The following GRIA4 variants were observed in gnomAD, a reference collection of about 807,000 sequenced individuals.
GRIA4 encodes glutamate ionotropic receptor AMPA type subunit 4, also known as glutamate receptor 4.
GRIA4 carries 34 observed loss-of-function variants against 104.0 expected under a neutral mutation model. That is an observed-to-expected ratio of 0.33 (90% CI 0.25 to 0.44). GRIA4 has a LOEUF of 0.44. Among genes scored for constraint, GRIA4 ranks in the 20% least tolerant of loss-of-function variants. GRIA4 has a pLI of 1.00. For missense variants in GRIA4, 750 were observed against 1,096.5 expected, an observed-to-expected ratio of 0.68 and a Z score of 4.46; for synonymous variants, 386 against 381.9, an observed-to-expected ratio of 1.01 and a Z score of -0.13.
At chr11:105,912,770 T>C (rs1947293437) in intron 10 of GRIA4, 2 of 980,678 alleles carry the variant, frequency 2.0e-6, no homozygotes, top group Non-Finnish European at 2.4e-6. Context: ...TTTGCTTTTG[T>C]TGAAAACGGT....
At chr11:105,670,440 CA>C (rs1330456816) in intron 3 of GRIA4, among the ~76,000 whole-genome samples, 1 of 152,056 alleles carries the variant, frequency 6.6e-6, no homozygotes, top group African/African-American at 2.4e-5. Context: ...CAGATAAATG[CA>C]GAAGTGTTTG....
intron 3 of GRIA4, among the ~76,000 whole-genome samples, chr11:105,637,122 T>C (rs1416502246): frequency 1.3e-5 from 2 of 152,144 alleles, no homozygotes; most frequent in Non-Finnish European, 2.9e-5. Context: ...TCTCCATTAT[T>C]GTGGAAAAAA....
At chr11:105,913,572 C>G (rs1341814284) in intron 10 of GRIA4, 6 of 784,742 alleles carry the variant, frequency 7.6e-6, no homozygotes, top group Non-Finnish European at 9.3e-6. Flanking sequence ...GAAGCCAAAT[C>G]TATTCCATGT....
At chr11:105,652,308 T>C (rs1951706503) in intron 3 of GRIA4, among the ~76,000 whole-genome samples, 1 of 152,076 alleles carries the variant, frequency 6.6e-6, no homozygotes, top group Non-Finnish European at 1.5e-5. Flanking sequence ...AACAAGAACA[T>C]ACCGAGAAAG....
intron 10 of GRIA4, among the ~76,000 whole-genome samples, chr11:105,915,719 T>C (rs531910348): frequency 6.6e-6 from 1 of 152,310 alleles, no homozygotes; most frequent in South Asian, 2.1e-4. Flanking sequence ...GAAATGCATT[T>C]CTTTAATCTT....
chr11:105,940,168 C>A (rs2136222987), intron 14 of GRIA4, among the ~76,000 whole-genome samples: 1 of 152,178 alleles, frequency 6.6e-6, no homozygotes, highest in Middle Eastern at 3.4e-3. Flanking sequence ...AGTTCGAGAC[C>A]AGCTTGGGCA....
At chr11:105,823,184 T>A (rs1943638896) in intron 4 of GRIA4, among the ~76,000 whole-genome samples, 1 of 152,146 alleles carries the variant, frequency 6.6e-6, no homozygotes, top group South Asian at 2.1e-4. Context: ...TCATTTGGAA[T>A]CACAATATTT....
chr11:105,612,072 T>G (rs1950495900), intron 2 of GRIA4, among the ~76,000 whole-genome samples: 1 of 151,986 alleles, frequency 6.6e-6, no homozygotes, highest in Non-Finnish European at 1.5e-5. Context: ...GCAAGACACA[T>G]TAGGACAAGA....
Position 105,894,790 on chromosome 11 carries a change from TA to T in GRIA4, c.727-3478del, listed in dbSNP as rs1162966147. 5.3e-5 allele frequency among the ~76,000 whole-genome samples: 7 copies of T among 132,808 alleles called. 1 individual carries two copies. Among genetic ancestry groups the T allele is most frequent in the South Asian group, 2.3e-4 (1 of 4,378 alleles). 87.1% of individuals were successfully genotyped at this position (132,808 alleles called of 152,430 possible). ...CTCTAACTGCAGGATTATTGCTACA[TA>T]TTTTTTTTTTTTTTTTTTTGAGACG... On this transcript the variant is annotated intron_variant, in intron 6 of 16. Transcript: ENST00000282499.
At chr11:105,735,177 C>T (rs1938970) in intron 3 of GRIA4, among the ~76,000 whole-genome samples, 81,750 of 151,646 alleles carry the variant, frequency 0.54, 22,143 homozygotes, top group Admixed American at 0.61. Flanking sequence ...TCAGATTAAA[C>T]CCTTAGAGAC....
At chr11:105,691,264 T>C (rs911607964) in intron 3 of GRIA4, among the ~76,000 whole-genome samples, 14 of 152,220 alleles carry the variant, frequency 9.2e-5, no homozygotes, top group Non-Finnish European at 1.9e-4. Context: ...GATTGATATA[T>C]GCTTGATCAG....
chr11:105,825,743 G>C (rs1438505161), intron 4 of GRIA4, among the ~76,000 whole-genome samples: 1 of 151,986 alleles, frequency 6.6e-6, no homozygotes, highest in Non-Finnish European at 1.5e-5. Context: ...TAGCTCAAGG[G>C]GTCGTTAGGT....
chr11:105,658,031 T>G (rs1242770015), intron 3 of GRIA4, among the ~76,000 whole-genome samples: 1 of 151,810 alleles, frequency 6.6e-6, no homozygotes, highest in Non-Finnish European at 1.5e-5. Context: ...ATTCTCATTT[T>G]TGAATATCTT....
intron 4 of GRIA4, among the ~76,000 whole-genome samples, chr11:105,808,205 T>C (rs1409800441): frequency 6.6e-6 from 1 of 151,964 alleles, no homozygotes; most frequent in Non-Finnish European, 1.5e-5. Context: ...GTTTTGGGGC[T>C]CAATTAATTT....
chr11:105,972,161 C>A, intron 15 of GRIA4, 133 bp downstream of exon 15: 1 of 525,836 alleles, frequency 1.9e-6, no homozygotes, highest in Non-Finnish European at 3.5e-6. Flanking sequence ...AAGCTAATGT[C>A]ATAAATTTCA....
intron 3 of GRIA4, among the ~76,000 whole-genome samples, chr11:105,732,111 C>A (rs1412868191): frequency 6.6e-6 from 1 of 152,154 alleles, no homozygotes; most frequent in Non-Finnish European, 1.5e-5. Context: ...ATAACAGCTA[C>A]TATCTCTAGG....
At chr11:105,923,422 T>C (rs1947622346) in intron 11 of GRIA4, among the ~76,000 whole-genome samples, 1 of 152,246 alleles carries the variant, frequency 6.6e-6, no homozygotes, top group East Asian at 1.9e-4. Flanking sequence ...ATCTCCCTTC[T>C]CTGAATCTCA....
At chr11:105,838,761 T>C (rs982506570) in intron 4 of GRIA4, among the ~76,000 whole-genome samples, 8 of 152,148 alleles carry the variant, frequency 5.3e-5, no homozygotes, top group African/African-American at 1.9e-4. Context: ...CCCATTTGAC[T>C]CTTAAAGGAG....
chr11:105,888,145 T>C (rs1278564303), intron 6 of GRIA4, among the ~76,000 whole-genome samples: 6 of 152,090 alleles, frequency 3.9e-5, no homozygotes, highest in African/African-American at 1.4e-4. Flanking sequence ...TTGTTAACCA[T>C]GTAGTGTAGG....
Sources: gnomAD v4.1 joint callset for allele counts (sites outside exome capture counted in the v4.1 genomes callset) on GRCh38, gnomAD v4.1.1 for gene constraint, MANE v1.5 for transcripts, NCBI Gene and HGNC (gene_info 2026-07-23, HGNC 2026-07-21) for gene names.